Variants in ATRNL1 observed in about 807,000 individuals in gnomAD.
ATRNL1 encodes the protein attractin like 1, also known as attractin-like protein 1.
Under a neutral mutation model 182.7 loss-of-function variants are expected in ATRNL1, and 95 were observed. The observed-to-expected ratio is 0.52, with a 90% CI of 0.44 to 0.62. The LOEUF (loss-of-function observed/expected upper bound fraction) is 0.62, where lower values mean the gene tolerates loss of function less well. Among genes scored for constraint, ATRNL1 ranks in the 20% least tolerant of loss-of-function variants. The pLI, the probability that ATRNL1 is intolerant of heterozygous loss-of-function variation, is 0.00. For missense variants in ATRNL1, 1,471 were observed against 1,679.5 expected, an observed-to-expected ratio of 0.88 and a Z score of 2.17; for synonymous variants, 576 against 568.3, an observed-to-expected ratio of 1.01 and a Z score of -0.19.
chr10:115,371,028 G>A (rs531341423), intron 19 of ATRNL1, among the ~76,000 whole-genome samples: 58 of 152,320 alleles, frequency 3.8e-4, no homozygotes, highest in Admixed American at 2.1e-3. Flanking sequence ...TGGGCCATGG[G>A]TTCAGAGAGT....
At chr10:115,611,054 C>CTTTT (rs3086300) in intron 26 of ATRNL1, among the ~76,000 whole-genome samples, 1,650 of 147,086 alleles carry the variant, frequency 0.011, 34 homozygotes, top group African/African-American at 0.038. Flanking sequence ...TTTCAAAGGA[C>CTTTT]TTTTTTTTTT....
intron 17 of ATRNL1, among the ~76,000 whole-genome samples, chr10:115,303,399 A>C (rs1554925240): frequency 6.6e-6 from 1 of 151,510 alleles, no homozygotes; most frequent in African/African-American, 2.4e-5. Flanking sequence ...TAATTTTTGT[A>C]CTTTTTTTAG....
At chr10:115,596,460 T>A (rs1856248362) in intron 26 of ATRNL1, among the ~76,000 whole-genome samples, 1 of 152,218 alleles carries the variant, frequency 6.6e-6, no homozygotes, top group African/African-American at 2.4e-5. Context: ...AATAAATATA[T>A]GACTACATAC....
intron 26 of ATRNL1, among the ~76,000 whole-genome samples, chr10:115,649,532 C>A (rs1593007318): frequency 6.6e-6 from 1 of 152,120 alleles, no homozygotes; most frequent in Non-Finnish European, 1.5e-5. Flanking sequence ...GTTCTATCCA[C>A]ATCTGGGAAA....
chr10:115,109,319 AT>A (rs1240600285), intron 1 of ATRNL1, among the ~76,000 whole-genome samples: 1 of 152,164 alleles, frequency 6.6e-6, no homozygotes, highest in Non-Finnish European at 1.5e-5. Context: ...AGACCTAGTG[AT>A]TTATAATGAA....
At chr10:115,895,708 A>G (rs1952189597) in intron 28 of ATRNL1, among the ~76,000 whole-genome samples, 1 of 152,234 alleles carries the variant, frequency 6.6e-6, no homozygotes, top group Non-Finnish European at 1.5e-5. Flanking sequence ...TGTGAAGAAG[A>G]CAGACATTTA....
intron 26 of ATRNL1, among the ~76,000 whole-genome samples, chr10:115,680,743 AAAGT>A (rs1946019146): frequency 6.6e-6 from 1 of 152,164 alleles, no homozygotes; most frequent in Non-Finnish European, 1.5e-5. Flanking sequence ...CAAAAATTTT[AAAGT>A]AAGTTCAAGA....
intron 26 of ATRNL1, among the ~76,000 whole-genome samples, chr10:115,569,860 A>G (rs1188103470): frequency 6.6e-6 from 1 of 152,108 alleles, no homozygotes; most frequent in African/African-American, 2.4e-5. Context: ...TAAGAAACAG[A>G]AGTATATCTC....
intron 26 of ATRNL1, among the ~76,000 whole-genome samples, chr10:115,683,314 A>C (rs1332335003): frequency 6.6e-6 from 1 of 152,014 alleles, no homozygotes; most frequent in Admixed American, 6.6e-5. Flanking sequence ...CCAAACAAAA[A>C]GACACTGTCA....
chr10:115,611,078 T>G (rs1394953754), intron 26 of ATRNL1, among the ~76,000 whole-genome samples: 1 of 149,974 alleles, frequency 6.7e-6, no homozygotes, highest in Non-Finnish European at 1.5e-5. Context: ...ATATACCTCT[T>G]GATAAAATTA....
chr10:115,204,358 G>C (rs1848718519), intron 8 of ATRNL1, among the ~76,000 whole-genome samples: 1 of 151,996 alleles, frequency 6.6e-6, no homozygotes, highest in Non-Finnish European at 1.5e-5. Flanking sequence ...GAGCATCCTT[G>C]TCTTGTTCTT....
chr10:115,771,107 C>A (rs1173686434), intron 27 of ATRNL1, among the ~76,000 whole-genome samples: 1 of 151,984 alleles, frequency 6.6e-6, no homozygotes, highest in African/African-American at 2.4e-5. Flanking sequence ...AATACCTTAC[C>A]CTGGTATTAT....
At chr10:115,444,422 A>C (rs1846856145) in intron 21 of ATRNL1, among the ~76,000 whole-genome samples, 1 of 152,082 alleles carries the variant, frequency 6.6e-6, no homozygotes, top group South Asian at 2.1e-4. Context: ...ATCTGGCTAC[A>C]TTACTGAATT....
chr10:115,281,321 A>T (rs782733760), intron 13 of ATRNL1, 34 bp from the exon 14 acceptor site: 1 of 1,594,702 alleles, frequency 6.3e-7, no homozygotes, highest in Admixed American at 1.7e-5. Context: ...TGCTGTACAA[A>T]GGTGAAAAAT....
chr10:115,640,292 G>A (rs1859155695), intron 26 of ATRNL1, among the ~76,000 whole-genome samples: 1 of 152,174 alleles, frequency 6.6e-6, no homozygotes, highest in Non-Finnish European at 1.5e-5. Flanking sequence ...AATATACCCA[G>A]TAATGGGATT....
chr10:115,160,327 C>A, intron 6 of ATRNL1, 113 bp downstream of exon 6: 1 of 979,640 alleles, frequency 1.0e-6, no homozygotes, highest in Non-Finnish European at 1.5e-6. Context: ...GTGGTAGTGT[C>A]TATTTGCTAG....
chr10:115,662,509 A>G lies in ATRNL1; in HGVS notation c.3796-64739A>G, dbSNP rs868987042. Among the ~76,000 whole-genome samples, 9 of 152,218 alleles carry G rather than the reference A, an allele frequency of 5.9e-5. 1 individual carries two copies. In the Middle Eastern group the frequency reaches 0.014, roughly 230 times the overall value. Reference sequence around the variant, plus strand: ...ATCTAATTATGTTGGTGGTAGTCAGATGTGTACTCTTTGACCAGTTACCTG... The same window carrying G: ...ATCTAATTATGTTGGTGGTAGTCAGGTGTGTACTCTTTGACCAGTTACCTG... On this transcript the variant is annotated intron_variant, in intron 26 of 28. Coordinates refer to ENST00000355044, the MANE Select transcript of ATRNL1 (RefSeq NM_207303.4).
chr10:115,237,422 A>T (rs1294382466), intron 9 of ATRNL1, among the ~76,000 whole-genome samples: 13 of 152,196 alleles, frequency 8.5e-5, no homozygotes, highest in Admixed American at 8.5e-4. Flanking sequence ...GATTTTAGCT[A>T]TTCTAATATG....
intron 24 of ATRNL1, among the ~76,000 whole-genome samples, chr10:115,497,305 T>G (rs1473961680): frequency 6.6e-6 from 1 of 152,190 alleles, no homozygotes; most frequent in Non-Finnish European, 1.5e-5. Flanking sequence ...GGTTTCATCT[T>G]TCTCCTGAAT....
Sources: allele counts gnomAD v4.1 joint callset (sites outside exome capture counted in the v4.1 genomes callset), GRCh38; gene constraint gnomAD v4.1.1; transcripts MANE v1.5; gene names NCBI Gene and HGNC (gene_info 2026-07-23, HGNC 2026-07-21).